ELP1: variants seen among roughly 807,000 people sequenced by gnomAD.
ELP1 encodes the protein elongator acetyltransferase complex subunit 1, also known as elongator complex protein 1.
In ELP1, 131 loss-of-function variants were observed where a neutral mutation model predicts 183.2. That is an observed-to-expected ratio of 0.72 (90% CI 0.62 to 0.83). The LOEUF (loss-of-function observed/expected upper bound fraction) is 0.83. ELP1 is among the 40% of genes least tolerant of loss of function. The probability of loss-of-function intolerance (pLI) is 0.00; values close to 1 mark genes in which losing one functional copy is unlikely to be tolerated. For synonymous variants in ELP1, 555 were observed against 569.0 expected (o/e 0.98, Z 0.35); for missense variants, 1,550 against 1,594.9 (o/e 0.97, Z 0.48).
At chr9:108,923,542 G>A (rs1360977981) in intron 5 of ELP1, among the ~76,000 whole-genome samples, 6 of 152,170 alleles carry the variant, frequency 3.9e-5, no homozygotes, top group Non-Finnish European at 7.3e-5. Flanking sequence ...TAAGAAGAAT[G>A]AAACATAAAG....
At chr9:108,911,833 G>A (rs1829233839) in intron 11 of ELP1, among the ~76,000 whole-genome samples, 1 of 151,960 alleles carries the variant, frequency 6.6e-6, no homozygotes, top group Non-Finnish European at 1.5e-5. Flanking sequence ...TGCATGAACT[G>A]AACATACTGG....
At chr9:108,893,196 A>C in intron 26 of ELP1, 113 bp from the exon 27 acceptor site, 1 of 742,446 alleles carries the variant, frequency 1.3e-6, no homozygotes, top group South Asian at 1.5e-5. Context: ...TAAGACCTAA[A>C]TAATCAGAGA....
intron 29 of ELP1, among the ~76,000 whole-genome samples, chr9:108,888,311 C>T (rs375061810): frequency 2.6e-5 from 4 of 152,304 alleles, no homozygotes; most frequent in East Asian, 1.9e-4. Flanking sequence ...TGTTCTAGAT[C>T]ATGAGTGCAA....
rs558485897 is a variant in ELP1 at position 108,903,648 on chromosome 9, C to T, written c.1665G>A (p.Gly555=). The T allele has an allele frequency of 1.8e-5, 29 of 1,613,794 alleles. No individual in the cohort carries two copies. In the South Asian group the frequency reaches 3.0e-4, roughly 16 times the overall value. Residue 555 remains glycine, a synonymous_variant, in exon 15 of 37, where the codon GGG becomes GGA. Transcript: ENST00000374647. ...AATTGCAACATAGACTGATTATGAC[C>T]CCATCCACCGCTGCAGATGAACTGA... ...LNVSSSAAVD[G]VIISLCCNSK... is the part of the protein sequence containing the mutation.
Position 108,883,028 on chromosome 9 carries a change from T to G in ELP1, c.3223-841A>C, listed in dbSNP as rs148488178. On this transcript the variant is annotated intron_variant, in intron 29 of 36. Coordinates refer to ENST00000374647, the MANE Select transcript of ELP1 (RefSeq NM_003640.5). ...CTTTTCACATTCTTGACAATGTCCT[T>G]GATACACAAAAGTTCTTAATTTTTA... Among the ~76,000 whole-genome samples the G allele has an allele frequency of 2.6e-3, 400 of 152,378 alleles. 3 individuals carry two copies. Among genetic ancestry groups the G allele is most frequent in the African/African-American group, 8.9e-3 (372 of 41,596 alleles).
intron 10 of ELP1, among the ~76,000 whole-genome samples, chr9:108,913,835 C>A: frequency 6.6e-6 from 1 of 152,162 alleles, no homozygotes. Flanking sequence ...TTAGTAGAGA[C>A]AGGGTTTCAT....
intron 10 of ELP1, among the ~76,000 whole-genome samples, chr9:108,912,977 G>T (rs1829289228): frequency 6.6e-6 from 1 of 151,666 alleles, no homozygotes; most frequent in African/African-American, 2.4e-5. Context: ...AGCCAGGATG[G>T]TCTTGATCTC....
intron 19 of ELP1, 88 bp from the exon 20 acceptor site, chr9:108,899,983 A>G: frequency 9.7e-7 from 1 of 1,029,310 alleles, no homozygotes; most frequent in Non-Finnish European, 1.5e-6. Flanking sequence ...CTCTTCACAG[A>G]GAATTACCAC....
chr9:108,919,830 A>C (rs1348951130), intron 6 of ELP1, among the ~76,000 whole-genome samples: 1 of 152,146 alleles, frequency 6.6e-6, no homozygotes, highest in African/African-American at 2.4e-5. Flanking sequence ...GAAAACATGG[A>C]AATGTTCTCA....
intron 20 of ELP1, 23 bp downstream of exon 20, chr9:108,899,799 G>A (rs373488578): frequency 8.2e-6 from 13 of 1,593,976 alleles, no homozygotes; most frequent in African/African-American, 5.4e-5. Flanking sequence ...CTAACTAGTC[G>A]CAAACAGTAC....
intron 1 of ELP1, among the ~76,000 whole-genome samples, chr9:108,932,026 T>C (rs1830017515): frequency 6.6e-6 from 1 of 152,224 alleles, no homozygotes; most frequent in Non-Finnish European, 1.5e-5. Context: ...GGCTTATGAT[T>C]GTAAGTCCCT....
intron 18 of ELP1, among the ~76,000 whole-genome samples, chr9:108,900,687 A>G (rs1033939238): frequency 6.6e-6 from 1 of 152,330 alleles, no homozygotes; most frequent in African/African-American, 2.4e-5. Flanking sequence ...AATCATATCA[A>G]TGAAAGAAAG....
At chr9:108,914,153 G>A (rs759817192) in intron 10 of ELP1, among the ~76,000 whole-genome samples, 67 of 152,156 alleles carry the variant, frequency 4.4e-4, no homozygotes, top group Non-Finnish European at 7.9e-4. Context: ...TGTAATCCCA[G>A]CACTTTGGGA....
intron 12 of ELP1, 77 bp from the exon 13 acceptor site, chr9:108,908,481 T>C (rs1829097800): frequency 3.7e-6 from 4 of 1,081,934 alleles, no homozygotes; most frequent in Non-Finnish European, 4.2e-6. Flanking sequence ...GTGTCTGCAA[T>C]TAATGAGTTC....
At chr9:108,907,430 T>C (rs1256637576) in intron 13 of ELP1, among the ~76,000 whole-genome samples, 1 of 152,232 alleles carries the variant, frequency 6.6e-6, no homozygotes, top group Non-Finnish European at 1.5e-5. Context: ...CTAAGCATTA[T>C]ACAGGCAGCC....
intron 26 of ELP1, among the ~76,000 whole-genome samples, chr9:108,893,381 A>G (rs562918496): frequency 2.2e-4 from 33 of 152,282 alleles, no homozygotes; most frequent in African/African-American, 7.9e-4. Context: ...AGACACATGC[A>G]CGCCTCAGTC....
At chr9:108,890,428 A>AT (rs2131968347) in intron 28 of ELP1, among the ~76,000 whole-genome samples, 1 of 152,268 alleles carries the variant, frequency 6.6e-6, no homozygotes, top group African/African-American at 2.4e-5. Context: ...ACTGCTTTTT[A>AT]TTTTTTTCTT....
chr9:108,917,196 G>T (rs1044475264), intron 9 of ELP1, among the ~76,000 whole-genome samples: 3 of 152,156 alleles, frequency 2.0e-5, no homozygotes, highest in African/African-American at 7.2e-5. Context: ...GGCCAGGCGT[G>T]GTGGCTCACG....
In ELP1 at chr9:108,879,456, T is replaced by C. The variant is rs1827830182; in HGVS notation, c.3562A>G (p.Arg1188Gly). 7.5e-6 allele frequency: 12 copies of C among 1,610,318 alleles called. No individual in the cohort carries two copies. Among genetic ancestry groups the C allele is most frequent in the Non-Finnish European group, 1.0e-5 (12 of 1,176,622 alleles). The change falls in exon 33 of 37, where the codon AGG (arginine) becomes GGG (glycine). Residue 1188 changes from arginine to glycine, a missense_variant. Arg to Gly is a moderately radical substitution (Grantham distance 125, BLOSUM62 -2). Coordinates refer to ENST00000374647, the MANE Select transcript of ELP1 (RefSeq NM_003640.5). ...CAATGTGATACGTACGCTGATATCC[T>C]GGAGTTACTATGGGAGTATTTGCCA... ...MSGKYSHSNSRISARSSKNRR... is the reference protein window; with the variant it reads ...MSGKYSHSNSGISARSSKNRR...
Sources: allele counts gnomAD v4.1 joint callset (sites outside exome capture counted in the v4.1 genomes callset), GRCh38; gene constraint gnomAD v4.1.1; transcripts MANE v1.5; gene names NCBI Gene and HGNC (gene_info 2026-07-23, HGNC 2026-07-21).